EHMT1: variants seen among roughly 807,000 people sequenced by gnomAD.
EHMT1 encodes euchromatic histone lysine methyltransferase 1.
A neutral mutation model predicts 147.2 loss-of-function variants in EHMT1; 15 were observed. That is an observed-to-expected ratio of 0.10 (90% CI 0.07 to 0.16). The LOEUF is 0.16. Among genes scored for constraint, EHMT1 ranks in the 10% least tolerant of loss-of-function variants. The pLI, the probability that EHMT1 is intolerant of heterozygous loss-of-function variation, is 1.00. For missense variants in EHMT1, 1,587 were observed against 1,772.4 expected (o/e 0.90, Z 1.88); for synonymous variants, 795 against 709.6 (o/e 1.12, Z -1.91).
chr9:137,807,344 G>A (rs1304396755), intron 18 of EHMT1, among the ~76,000 whole-genome samples: 1 of 152,114 alleles, frequency 6.6e-6, no homozygotes, highest in East Asian at 1.9e-4. Context: ...AGCTCATCCG[G>A]TCTGTGTGCT....
chr9:137,710,930 C>T (rs113133543), intron 1 of EHMT1, 37 bp from the exon 2 acceptor site: 2 of 1,573,244 alleles, frequency 1.3e-6, no homozygotes, highest in South Asian at 2.3e-5. Context: ...CGGCCTCCCA[C>T]TGAACCCGGC....
rs761039277 is a variant in EHMT1, at chr9:137,716,640, G to T, written c.100G>T (p.Ala34Ser). Residue 34 changes from alanine (A) to serine (S), a missense_variant, in exon 3 of 27, where the codon GCC becomes TCC. By Grantham distance (99) the Ala-to-Ser change is moderately conservative. Transcript: ENST00000460843. Reference sequence around the variant, plus strand: ...TTTGTTGGCAGAGACACCTATGGCTGCCGATGAAGGCTCAGCAGAGAAACA... The same window carrying T: ...TTTGTTGGCAGAGACACCTATGGCTTCCGATGAAGGCTCAGCAGAGAAACA... ...ELLGEETPMA[A>S]DEGSAEKQAG... 3 of 1,571,800 alleles carry T rather than the reference G, an allele frequency of 1.9e-6. No individual in the cohort carries two copies. Among genetic ancestry groups the T allele is most frequent in the Non-Finnish European group, 2.6e-6 (3 of 1,156,804 alleles).
chr9:137,800,905 T>C lies in EHMT1; in HGVS notation c.2633T>C (p.Ile878Thr). ...CQDDGGWTPM[I>T]WATEYKHVDL... ...GATGACGGAGGCTGGACACCCATGA[T>C]CTGGGCCACAGAGTACAAGCACGTG... Residue 878 changes from isoleucine (I) to threonine (T), a missense_variant, in exon 18 of 27, where the codon ATC (isoleucine) becomes ACC (threonine). By Grantham distance (89) the Ile-to-Thr change is moderately conservative. This residue lies in a region of EHMT1 where 201 missense variants were observed against 350.1 expected (regional missense o/e 0.57). Coordinates refer to ENST00000460843, the MANE Select transcript of EHMT1 (RefSeq NM_024757.5). 1 of 1,614,100 alleles carries C rather than the reference T, an allele frequency of 6.2e-7. No individual in the cohort carries two copies. Among genetic ancestry groups the C allele is most frequent in the Non-Finnish European group, 8.5e-7 (1 of 1,180,018 alleles).
At chr9:137,774,098 G>T (rs1950767153) in intron 10 of EHMT1, among the ~76,000 whole-genome samples, 2 of 152,190 alleles carry the variant, frequency 1.3e-5, no homozygotes, top group African/African-American at 4.8e-5. Context: ...AGGTTCCTCT[G>T]GCTGCCCCAG....
chr9:137,730,770 A>C (rs1365964027), intron 4 of EHMT1, among the ~76,000 whole-genome samples: 2 of 151,986 alleles, frequency 1.3e-5, no homozygotes, highest in Non-Finnish European at 2.9e-5. Flanking sequence ...TTCCCCATTC[A>C]CTGGATGGTC....
intron 1 of EHMT1, among the ~76,000 whole-genome samples, chr9:137,676,984 G>T (rs887478897): frequency 6.6e-6 from 1 of 152,012 alleles, no homozygotes; most frequent in Non-Finnish European, 1.5e-5. Context: ...TGTGTGACAA[G>T]AACCGGATTT....
At chr9:137,643,647 C>T (rs546689904) in intron 1 of EHMT1, among the ~76,000 whole-genome samples, 1 of 152,236 alleles carries the variant, frequency 6.6e-6, no homozygotes, top group East Asian at 1.9e-4. Context: ...CGCGCCCGGC[C>T]GTATAAAGGT....
intron 16 of EHMT1, among the ~76,000 whole-genome samples, chr9:137,796,715 A>AAAAAAAAAG (rs1554888012): frequency 6.6e-6 from 1 of 151,482 alleles, no homozygotes; most frequent in Non-Finnish European, 1.5e-5. Context: ...AAAAAAAAAA[A>AAAAAAAAAG]AAAAAGAAAT....
At chr9:137,672,284 T>C (rs1335736518) in intron 1 of EHMT1, among the ~76,000 whole-genome samples, 5 of 152,222 alleles carry the variant, frequency 3.3e-5, no homozygotes, top group African/African-American at 9.7e-5. Context: ...TTTATTGTTA[T>C]TTGTACAGGA....
intron 1 of EHMT1, among the ~76,000 whole-genome samples, chr9:137,642,756 C>T (rs1364660956): frequency 1.3e-5 from 2 of 152,184 alleles, no homozygotes; most frequent in Non-Finnish European, 2.9e-5. Context: ...CTGCTTTACG[C>T]AATTGTCTTT....
intron 9 of EHMT1, among the ~76,000 whole-genome samples, chr9:137,759,451 C>T (rs1949636408): frequency 6.6e-6 from 1 of 152,180 alleles, no homozygotes; most frequent in Non-Finnish European, 1.5e-5. Flanking sequence ...GGAGCTGGCA[C>T]ATGAAGGCCG....
chr9:137,690,638 C>T (rs373213022), intron 1 of EHMT1, among the ~76,000 whole-genome samples: 1 of 151,948 alleles, frequency 6.6e-6, no homozygotes, highest in Non-Finnish European at 1.5e-5. Flanking sequence ...GGCGCGATCT[C>T]GGCTCACTGC....
In EHMT1 at chr9:137,826,727, A is replaced by G. The variant is rs534589293; in HGVS notation, c.3541-7622A>G. ...AGAGCTTTGCTGGGGCTTCGAAACCACCTCCTAATGGCAGCATTGTGCACA... is the reference window on the plus strand; with the variant it reads ...AGAGCTTTGCTGGGGCTTCGAAACCGCCTCCTAATGGCAGCATTGTGCACA... On this transcript the variant is annotated intron_variant, in intron 25 of 26. Transcript: ENST00000460843. 3.3e-5 allele frequency among the ~76,000 whole-genome samples: 5 copies of G among 151,884 alleles called. No individual in the cohort carries two copies. The East Asian group carries it at 9.7e-4, about 30-fold the overall frequency.
At chr9:137,662,803 TATTTA>T (rs760527256) in intron 1 of EHMT1, among the ~76,000 whole-genome samples, 5 of 150,594 alleles carry the variant, frequency 3.3e-5, no homozygotes, top group African/African-American at 4.9e-5. Flanking sequence ...TTTATTTATT[TATTTA>T]TTTTTGACAG....
At chr9:137,646,335 G>T in intron 1 of EHMT1, 1 of 985,454 alleles carries the variant, frequency 1.0e-6, no homozygotes. Flanking sequence ...CTGTGGGACA[G>T]TGGTACCTGG....
intron 1 of EHMT1, chr9:137,676,452 G>C (rs1017035373): frequency 2.0e-5 from 3 of 152,392 alleles, no homozygotes; most frequent in Admixed American, 2.0e-4. Context: ...TGCAACCTCC[G>C]CCTCCCGGGT....
At chr9:137,792,533 G>A (rs1952601913) in intron 16 of EHMT1, among the ~76,000 whole-genome samples, 2 of 152,132 alleles carry the variant, frequency 1.3e-5, no homozygotes, top group Admixed American at 1.3e-4. Context: ...GGTGAAACCC[G>A]GTCTCTACTA....
intron 17 of EHMT1, among the ~76,000 whole-genome samples, chr9:137,799,450 A>G (rs1367648328): frequency 6.6e-6 from 1 of 152,160 alleles, no homozygotes; most frequent in Admixed American, 6.5e-5. Context: ...TTTGCCATGC[A>G]TGTGTGCTGA....
chr9:137,805,045 G>A (rs771721181), intron 18 of EHMT1, among the ~76,000 whole-genome samples: 13 of 150,800 alleles, frequency 8.6e-5, no homozygotes, highest in East Asian at 1.9e-4. Flanking sequence ...TCTGTCAGTC[G>A]TCCACATGTG....
Sources: allele counts gnomAD v4.1 joint callset (sites outside exome capture counted in the v4.1 genomes callset), GRCh38; gene constraint gnomAD v4.1.1; regional missense constraint gnomAD v4.1.1; transcripts MANE v1.5; gene names NCBI Gene and HGNC (gene_info 2026-07-23, HGNC 2026-07-21).